Variants in ARFIP1 observed in about 807,000 individuals in gnomAD.
ARFIP1 encodes ARF interacting protein 1.
ARFIP1 carries 24 observed loss-of-function variants against 42.5 expected under a neutral mutation model. The observed-to-expected ratio is 0.57, with a 90% CI of 0.41 to 0.80. The LOEUF is 0.80. ARFIP1 is among the 30% of genes least tolerant of loss of function. The pLI is 0.00. For missense variants in ARFIP1, 354 were observed against 434.0 expected (o/e 0.82, Z 1.64); for synonymous variants, 141 against 153.7 (o/e 0.92, Z 0.61).
chr4:152,782,785 A>G (rs138927694), intron 1 of ARFIP1, among the ~76,000 whole-genome samples: 1 of 152,276 alleles, frequency 6.6e-6, no homozygotes, highest in East Asian at 1.9e-4. Flanking sequence ...TCCAAGCTTA[A>G]TGTAAGTTTT....
intron 3 of ARFIP1, among the ~76,000 whole-genome samples, chr4:152,864,913 C>CTTTT (rs34123163): frequency 1.8e-4 from 20 of 112,450 alleles, no homozygotes; most frequent in Non-Finnish European, 3.3e-4. Context: ...CTTTTTTAAA[C>CTTTT]TTTTTTTTTT....
intron 2 of ARFIP1, among the ~76,000 whole-genome samples, chr4:152,847,585 ATTC>A (rs1260904132): frequency 1.9e-4 from 29 of 152,008 alleles, no homozygotes; most frequent in Non-Finnish European, 3.2e-4. Flanking sequence ...TTTAAGAATT[ATTC>A]TTTAAAATTA....
At chr4:152,821,621 C>T (rs1578869323) in intron 1 of ARFIP1, among the ~76,000 whole-genome samples, 2 of 152,016 alleles carry the variant, frequency 1.3e-5, no homozygotes, top group East Asian at 3.8e-4. Context: ...TTTAGACATC[C>T]AAATAAAAGA....
rs964813119 is a variant in ARFIP1, at chr4:152,883,130, T to C, written c.791+250T>C. Reference sequence around the variant, plus strand: ...GAACCCCTATGCTGGGTGCCTCTAGTACTTGATGCTGCCACAGCTACCATA... The same window carrying C: ...GAACCCCTATGCTGGGTGCCTCTAGCACTTGATGCTGCCACAGCTACCATA... On this transcript the variant is annotated intron_variant, in intron 7 of 8. Transcript: ENST00000353617. 17 of 367,982 alleles carry C rather than the reference T, an allele frequency of 4.6e-5. 1 individual carries two copies. In the Middle Eastern group the frequency reaches 2.2e-3, roughly 48 times the overall value. 22.8% of individuals were successfully genotyped at this position (367,982 alleles called of 1,614,324 possible).
chr4:152,823,972 C>T (rs1272231827), intron 1 of ARFIP1, among the ~76,000 whole-genome samples: 1 of 151,864 alleles, frequency 6.6e-6, no homozygotes, highest in Non-Finnish European at 1.5e-5. Context: ...TGTGAAAATT[C>T]TTAACAAAAT....
intron 8 of ARFIP1, among the ~76,000 whole-genome samples, chr4:152,891,014 T>C (rs1471560371): frequency 6.6e-6 from 1 of 152,174 alleles, no homozygotes; most frequent in African/African-American, 2.4e-5. Context: ...AAGGTACCAG[T>C]GTCTGGTGAG....
intron 1 of ARFIP1, among the ~76,000 whole-genome samples, chr4:152,787,733 A>G (rs956185927): frequency 5.3e-5 from 8 of 152,268 alleles, no homozygotes; most frequent in Non-Finnish European, 7.3e-5. Context: ...CTATGTGTAT[A>G]AGGTGTATAT....
At chr4:152,831,238 A>G (rs1731219148) in intron 2 of ARFIP1, among the ~76,000 whole-genome samples, 1 of 152,302 alleles carries the variant, frequency 6.6e-6, no homozygotes, top group Non-Finnish European at 1.5e-5. Flanking sequence ...CTTTTTGCAA[A>G]CTTACTATGC....
At chr4:152,875,737 A>G (rs1217962070) in intron 5 of ARFIP1, among the ~76,000 whole-genome samples, 1 of 149,252 alleles carries the variant, frequency 6.7e-6, no homozygotes, top group Non-Finnish European at 1.5e-5. Flanking sequence ...TTGGCACTAC[A>G]GAAGAGCTCT....
intron 2 of ARFIP1, among the ~76,000 whole-genome samples, chr4:152,851,098 G>T (rs1289579049): frequency 1.3e-5 from 2 of 152,228 alleles, no homozygotes; most frequent in African/African-American, 4.8e-5. Flanking sequence ...TTTGAAGCAT[G>T]AGATGTTACT....
intron 5 of ARFIP1, among the ~76,000 whole-genome samples, chr4:152,876,699 A>C (rs936973651): frequency 7.9e-5 from 12 of 152,244 alleles, no homozygotes; most frequent in African/African-American, 2.9e-4. Flanking sequence ...AGAAATCTTC[A>C]CGGCAGCCCC....
chr4:152,885,730 C>T (rs1297902766), intron 7 of ARFIP1, among the ~76,000 whole-genome samples: 1 of 151,880 alleles, frequency 6.6e-6, no homozygotes, highest in Non-Finnish European at 1.5e-5. Context: ...CGCTCCAAGG[C>T]TATTGAAGGA....
At chr4:152,807,788 T>G (rs529625259) in intron 1 of ARFIP1, among the ~76,000 whole-genome samples, 33 of 152,256 alleles carry the variant, frequency 2.2e-4, no homozygotes, top group African/African-American at 6.7e-4. Context: ...AGTATTTTTC[T>G]TTTCTTGTTT....
chr4:152,883,078 A>G (rs1045988454), intron 7 of ARFIP1, among the ~76,000 whole-genome samples, 198 bp downstream of exon 7: 1 of 152,174 alleles, frequency 6.6e-6, no homozygotes, highest in Non-Finnish European at 1.5e-5. Flanking sequence ...AACCAAAGCC[A>G]AGTTAAGCCT....
chr4:152,803,957 G>GTATATATATAACATGTATTATATATATTT (rs1728627241), intron 1 of ARFIP1, among the ~76,000 whole-genome samples: 1 of 129,122 alleles, frequency 7.7e-6, no homozygotes, highest in Middle Eastern at 3.9e-3. Context: ...GTCTGAATGT[G>GTATATATATAACATGTATTATATATATTT]TATATATATA....
At chr4:152,788,093 C>A (rs184068949) in intron 1 of ARFIP1, among the ~76,000 whole-genome samples, 1 of 152,030 alleles carries the variant, frequency 6.6e-6, no homozygotes, top group East Asian at 1.9e-4. Flanking sequence ...ATTAGCTGGG[C>A]GTGGTGACCT....
chr4:152,888,042 G>A (rs1579011881), intron 7 of ARFIP1, 91 bp from the exon 8 acceptor site: 1 of 944,344 alleles, frequency 1.1e-6, no homozygotes. Flanking sequence ...TTATTGTATA[G>A]TATGAGACTG....
intron 1 of ARFIP1, among the ~76,000 whole-genome samples, chr4:152,823,404 A>T (rs1212551979): frequency 6.6e-6 from 1 of 151,984 alleles, no homozygotes; most frequent in Non-Finnish European, 1.5e-5. Flanking sequence ...TCAGTAATTT[A>T]AAAAAAATAA....
chr4:152,793,962 T>C (rs1731281125), intron 1 of ARFIP1, among the ~76,000 whole-genome samples: 2 of 152,188 alleles, frequency 1.3e-5, no homozygotes, highest in Non-Finnish European at 1.5e-5. Context: ...GATTTTCTTC[T>C]TTTATTTAAA....
Sources: gnomAD v4.1 joint callset for allele counts (sites outside exome capture counted in the v4.1 genomes callset) on GRCh38, gnomAD v4.1.1 for gene constraint, MANE v1.5 for transcripts, NCBI Gene and HGNC (gene_info 2026-07-23, HGNC 2026-07-21) for gene names.